Variants in SUGCT observed in about 807,000 individuals in gnomAD.
SUGCT encodes the protein succinyl-CoA:glutarate-CoA transferase.
Under a neutral mutation model 55.0 loss-of-function variants are expected in SUGCT, and 41 were observed. The ratio of observed to expected loss-of-function variants is 0.74; its 90% CI spans 0.58 to 0.97. The LOEUF (loss-of-function observed/expected upper bound fraction) is 0.97, where lower values mean the gene tolerates loss of function less well. Among genes scored for constraint, SUGCT ranks in the 50% least tolerant of loss-of-function variants. The pLI is 0.00. For synonymous variants in SUGCT, 187 were observed against 200.4 expected (o/e 0.93, Z 0.56); for missense variants, 568 against 547.8 (o/e 1.04, Z -0.37).
chr7:40,245,423 A>ATATTTT (rs1344678220), intron 7 of SUGCT, among the ~76,000 whole-genome samples: 1 of 54,590 alleles, frequency 1.8e-5, no homozygotes. Flanking sequence ...ATATATATAT[A>ATATTTT]TTTTTTTTTT....
intron 12 of SUGCT, among the ~76,000 whole-genome samples, chr7:40,639,443 GT>G (rs2151821975): frequency 6.6e-6 from 1 of 152,004 alleles, no homozygotes; most frequent in South Asian, 2.1e-4. Context: ...ACTTGAGACG[GT>G]CACATCAATT....
At chr7:40,604,676 A>T (rs1798442165) in intron 12 of SUGCT, among the ~76,000 whole-genome samples, 1 of 152,202 alleles carries the variant, frequency 6.6e-6, no homozygotes, top group Non-Finnish European at 1.5e-5. Context: ...ACAGAAAGAA[A>T]GAATTAGAAT....
At chr7:40,541,000 G>T (rs1019191333) in intron 12 of SUGCT, among the ~76,000 whole-genome samples, 1 of 152,078 alleles carries the variant, frequency 6.6e-6, no homozygotes, top group Non-Finnish European at 1.5e-5. Flanking sequence ...GTTGTTTCAG[G>T]TGCCATGGTA....
chr7:40,315,931 A>T (rs1039149449), intron 8 of SUGCT, among the ~76,000 whole-genome samples: 4 of 152,286 alleles, frequency 2.6e-5, no homozygotes, highest in Non-Finnish European at 5.9e-5. Context: ...CTTGTGGCAG[A>T]TCACCAGGAA....
At chr7:40,660,201 T>C (rs1801234684) in intron 12 of SUGCT, among the ~76,000 whole-genome samples, 1 of 152,180 alleles carries the variant, frequency 6.6e-6, no homozygotes, top group Admixed American at 6.5e-5. Context: ...TGAGGTAATG[T>C]CTCCTTGACA....
At position 40,172,421 on chromosome 7, in the gene SUGCT, C is replaced by T. The variant is rs183184249; in HGVS notation, c.101-8526C>T. ...ACTCCCTGGGTTCATAGCCTAGATGCCTAAGGACACAGCGTAGCGCTTCCT... is the reference window on the plus strand; with the variant it reads ...ACTCCCTGGGTTCATAGCCTAGATGTCTAAGGACACAGCGTAGCGCTTCCT... On this transcript the variant is annotated intron_variant, in intron 1 of 13. Transcript: ENST00000335693. Among the ~76,000 whole-genome samples the T allele has an allele frequency of 4.0e-3, 612 of 152,198 alleles. 4 individuals are homozygous for T. Among genetic ancestry groups the T allele is most frequent in the African/African-American group, 0.014 (575 of 41,538 alleles).
intron 12 of SUGCT, among the ~76,000 whole-genome samples, chr7:40,738,925 T>A (rs1290946740): frequency 6.6e-6 from 1 of 152,164 alleles, no homozygotes; most frequent in African/African-American, 2.4e-5. Flanking sequence ...AAGATAAAAA[T>A]GTTTTCTACT....
chr7:40,170,072 T>C (rs183173229), intron 1 of SUGCT, among the ~76,000 whole-genome samples: 1 of 152,308 alleles, frequency 6.6e-6, no homozygotes, highest in Non-Finnish European at 1.5e-5. Context: ...TTAGTCCTTC[T>C]GGCATGCAAG....
chr7:40,638,938 A>C (rs538202122), intron 12 of SUGCT, among the ~76,000 whole-genome samples: 1 of 152,330 alleles, frequency 6.6e-6, no homozygotes, highest in Non-Finnish European at 1.5e-5. Flanking sequence ...TAATTATTCT[A>C]CCTGGCCCTG....
intron 8 of SUGCT, among the ~76,000 whole-genome samples, chr7:40,312,881 T>C (rs576558021): frequency 2.0e-5 from 3 of 152,240 alleles, no homozygotes; most frequent in Admixed American, 2.0e-4. Flanking sequence ...GAACCATGGT[T>C]CTAGTCTTGT....
chr7:40,533,868 A>G (rs1373238815), intron 12 of SUGCT, among the ~76,000 whole-genome samples: 1 of 152,178 alleles, frequency 6.6e-6, no homozygotes, highest in Non-Finnish European at 1.5e-5. Context: ...TATTGGTTAA[A>G]ATATTGCAAA....
At chr7:40,312,207 T>TA (rs922015395) in intron 8 of SUGCT, among the ~76,000 whole-genome samples, 6 of 152,082 alleles carry the variant, frequency 3.9e-5, no homozygotes, top group Admixed American at 1.3e-4. Context: ...GCCTGGCTAA[T>TA]TTTTTGTATG....
chr7:40,316,695 G>A (rs150925603), intron 8 of SUGCT, 65 bp from the exon 9 acceptor site: 122 of 1,037,522 alleles, frequency 1.2e-4, no homozygotes, highest in African/African-American at 1.1e-3. Flanking sequence ...ATAATATAAC[G>A]TTCTCTTTAT....
At chr7:40,885,105 G>T in the SUGCT span, among the ~76,000 whole-genome samples, 1 of 152,132 alleles carries the variant, frequency 6.6e-6, no homozygotes, top group Admixed American at 6.5e-5. Flanking sequence ...CTAAAGAGTG[G>T]CTAGTGATAG....
the SUGCT span, among the ~76,000 whole-genome samples, chr7:41,035,295 G>A: frequency 6.6e-6 from 1 of 152,210 alleles, no homozygotes; most frequent in South Asian, 2.1e-4. Flanking sequence ...TTGCTCTTTT[G>A]TGCTGTAACA....
At chr7:40,902,561 C>T in the SUGCT span, among the ~76,000 whole-genome samples, 1 of 109,098 alleles carries the variant, frequency 9.2e-6, no homozygotes, top group Non-Finnish European at 1.7e-5. Flanking sequence ...GCCTGGGTGA[C>T]AGAGTGAGAC....
intron 1 of SUGCT, among the ~76,000 whole-genome samples, chr7:40,170,345 T>G (rs1001996646): frequency 2.0e-5 from 3 of 152,188 alleles, no homozygotes; most frequent in African/African-American, 2.4e-5. Flanking sequence ...CTAACCCTTA[T>G]AAAACATCAA....
At chr7:40,181,791 A>G (rs1240937433) in intron 2 of SUGCT, among the ~76,000 whole-genome samples, 164 bp from the exon 3 acceptor site, 1 of 151,996 alleles carries the variant, frequency 6.6e-6, no homozygotes, top group Non-Finnish European at 1.5e-5. Context: ...AAGGGGATAT[A>G]TATTTTTAAA....
intron 1 of SUGCT, among the ~76,000 whole-genome samples, chr7:40,176,241 T>A (rs1175855279): frequency 6.7e-6 from 1 of 150,056 alleles, no homozygotes; most frequent in Non-Finnish European, 1.5e-5. Flanking sequence ...AAAAAAAAAA[T>A]TTAGTGAGTA....
Sources: gnomAD v4.1 joint callset for allele counts (sites outside exome capture counted in the v4.1 genomes callset) on GRCh38, gnomAD v4.1.1 for gene constraint, MANE v1.5 for transcripts, NCBI Gene and HGNC (gene_info 2026-07-23, HGNC 2026-07-21) for gene names.